Variants in NFIC observed in about 807,000 individuals in gnomAD.
NFIC encodes nuclear factor 1 C-type.
Under a neutral mutation model 54.4 loss-of-function variants are expected in NFIC, and 12 were observed. That is an observed-to-expected ratio of 0.22 (90% CI 0.14 to 0.36). The LOEUF (loss-of-function observed/expected upper bound fraction) is 0.36. Ranked by LOEUF, NFIC falls within the 10% of genes least tolerant of loss-of-function variation. The pLI is 1.00. For missense variants in NFIC, 575 were observed against 718.2 expected, an observed-to-expected ratio of 0.80 and a Z score of 2.28; for synonymous variants, 322 against 319.2, an observed-to-expected ratio of 1.01 and a Z score of -0.09.
intron 6 of NFIC, among the ~76,000 whole-genome samples, chr19:3,441,899 C>A (rs537934764): frequency 4.8e-4 from 73 of 152,332 alleles, no homozygotes; most frequent in Non-Finnish European, 1.0e-3. Flanking sequence ...CCCACCCTTC[C>A]CTGCCCTTTC....
intron 2 of NFIC, among the ~76,000 whole-genome samples, chr19:3,390,262 G>A (rs143104530): frequency 1.4e-4 from 22 of 152,352 alleles, no homozygotes; most frequent in Non-Finnish European, 1.9e-4. Flanking sequence ...TGTGCCAGCC[G>A]TCTGTCTGTG....
chr19:3,416,309 AAATATATAT>A (rs1182683996), intron 2 of NFIC, among the ~76,000 whole-genome samples: 2 of 149,430 alleles, frequency 1.3e-5, no homozygotes, highest in Admixed American at 6.7e-5. Flanking sequence ...CTGTGCCATC[AAATATATAT>A]AATATATATT....
intron 6 of NFIC, among the ~76,000 whole-genome samples, chr19:3,438,037 T>G (rs1034738767): frequency 6.6e-6 from 1 of 152,156 alleles, no homozygotes; most frequent in Non-Finnish European, 1.5e-5. Context: ...GCTGTCAGAA[T>G]GTAAACTGCA....
intron 2 of NFIC, among the ~76,000 whole-genome samples, chr19:3,400,765 C>G (rs2081542314): frequency 6.6e-6 from 1 of 152,140 alleles, no homozygotes; most frequent in South Asian, 2.1e-4. Context: ...TCGCTTGAAC[C>G]CGGAAGGCGG....
chr19:3,365,739 G>A (rs1333108561), upstream of NFIC, among the ~76,000 whole-genome samples: 8 of 152,182 alleles, frequency 5.3e-5, no homozygotes, highest in African/African-American at 1.9e-4. Context: ...CCTGGACACC[G>A]TCCTCCTGGG....
At position 3,386,275 on chromosome 19, in the gene NFIC, T is replaced by C. The variant is rs151265319; in HGVS notation, c.562+4032T>C. 5.0e-4 allele frequency among the ~76,000 whole-genome samples: 74 copies of C among 147,256 alleles called. 1 individual carries two copies. The East Asian group carries it at 0.012, about 24-fold the overall frequency. ...CCTGGCTGAAAATTCTTTCCCATTCTCACAGCTGCCCTGTGAGGCAAGGAT... is the reference window on the plus strand; with the variant it reads ...CCTGGCTGAAAATTCTTTCCCATTCCCACAGCTGCCCTGTGAGGCAAGGAT... On this transcript the variant is annotated intron_variant, in intron 2 of 10. Transcript: ENST00000443272.
At chr19:3,415,400 T>G (rs1048999549) in intron 2 of NFIC, among the ~76,000 whole-genome samples, 1 of 151,426 alleles carries the variant, frequency 6.6e-6, no homozygotes, top group African/African-American at 2.4e-5. Context: ...GGATTACAGG[T>G]GTGAGCTCTA....
chr19:3,368,947 GTC>G (rs1056915687), intron 1 of NFIC, among the ~76,000 whole-genome samples: 33 of 141,272 alleles, frequency 2.3e-4, no homozygotes, highest in African/African-American at 7.4e-4. Flanking sequence ...GTGTGTGTGT[GTC>G]TGTTTCTCCC....
At chr19:3,372,534 G>A (rs765943917) in intron 1 of NFIC, among the ~76,000 whole-genome samples, 9 of 152,186 alleles carry the variant, frequency 5.9e-5, no homozygotes, top group South Asian at 2.1e-4. Context: ...AGGCCGGGTC[G>A]GGGACGGGCA....
At chr19:3,442,012 G>A (rs79768694) in intron 6 of NFIC, among the ~76,000 whole-genome samples, 8 of 152,266 alleles carry the variant, frequency 5.3e-5, no homozygotes, top group African/African-American at 9.6e-5. Flanking sequence ...CTTTTCTCCC[G>A]GGCAGTGCTC....
chr19:3,427,813 C>CAA (rs35768795), intron 3 of NFIC, among the ~76,000 whole-genome samples: 49 of 76,790 alleles, frequency 6.4e-4, no homozygotes, highest in Middle Eastern at 0.01. Context: ...GAGACTCTGT[C>CAA]AAAAAAAAAA....
At position 3,466,682 on chromosome 19, in the gene NFIC, C is replaced by T. The variant is rs1466077680; in HGVS notation, c.*3913C>T. ...GCTTTTTTTTTTTTTCTGCCCCACT[C>T]CTGAGCAAATCTGTCTTGCCAAGGA... On this transcript the variant is annotated 3_prime_UTR_variant, in exon 11 of 11. Transcript: ENST00000443272. This position sits in a 1 kb window ranked among gnomAD's most constrained non-coding sequence, Gnocchi z 4.8. 2.0e-5 allele frequency: 3 copies of T among 151,712 alleles called. No individual in the cohort carries two copies. The highest frequency in any genetic ancestry group is 4.4e-5 in the Non-Finnish European group (3 of 67,944). 9.4% of individuals were successfully genotyped at this position (151,712 alleles called of 1,614,324 possible). A position where few individuals can be genotyped will look rare whatever the true frequency, so the allele number is the denominator to read the frequency against.
intron 6 of NFIC, among the ~76,000 whole-genome samples, chr19:3,443,741 T>C (rs1217112469): frequency 6.6e-6 from 1 of 152,126 alleles, no homozygotes; most frequent in Non-Finnish European, 1.5e-5. Context: ...TGTGTGGTTG[T>C]CACGACTGCA....
chr19:3,460,899 C>T (rs954252195), intron 10 of NFIC, among the ~76,000 whole-genome samples: 5 of 151,268 alleles, frequency 3.3e-5, no homozygotes, highest in African/African-American at 9.7e-5. Flanking sequence ...CCAAAGCAAA[C>T]GAATAAGCTG....
intron 6 of NFIC, among the ~76,000 whole-genome samples, chr19:3,435,507 G>T (rs547247538): frequency 3.9e-5 from 6 of 152,336 alleles, no homozygotes; most frequent in Admixed American, 3.3e-4. Flanking sequence ...GCTGCAGGAT[G>T]GACTCAGTAG....
intron 1 of NFIC, among the ~76,000 whole-genome samples, chr19:3,381,395 CA>C (rs71164686): frequency 0.23 from 22,948 of 100,676 alleles, 2,042 homozygotes; most frequent in East Asian, 0.43. Flanking sequence ...GACTCCGTCT[CA>C]AAAAAAAAAA....
rs1333100814 is a variant in NFIC at position 3,459,197 on chromosome 19, C to T, written c.1509+2562C>T. ...CCTCCTCCCCCAAAGCCTGGGTGGG[C>T]GCGCCTTTCCCTCTGCCTCTCCGGC... On this transcript the variant is annotated intron_variant, in intron 10 of 10. Coordinates refer to ENST00000443272, the MANE Select transcript of NFIC (RefSeq NM_001245002.2). This position sits in a 1 kb window ranked among gnomAD's most constrained non-coding sequence, Gnocchi z 4.2. Among the ~76,000 whole-genome samples the T allele has an allele frequency of 6.7e-6, 1 of 150,224 alleles. No individual in the cohort carries two copies. The highest frequency in any genetic ancestry group is 2.5e-5 in the African/African-American group (1 of 40,782).
chr19:3,404,492 C>T (rs1179523673), intron 2 of NFIC, among the ~76,000 whole-genome samples: 54 of 152,134 alleles, frequency 3.5e-4, no homozygotes, highest in Non-Finnish European at 2.9e-5. Flanking sequence ...CTGTTGGCAC[C>T]ACGTGTTTAA....
chr19:3,447,528 C>G (rs138054116), intron 6 of NFIC, among the ~76,000 whole-genome samples: 6 of 152,324 alleles, frequency 3.9e-5, no homozygotes, highest in Non-Finnish European at 8.8e-5. Context: ...ATTCTTCCAG[C>G]TGGGTGGCTG....
Sources: allele counts gnomAD v4.1 joint callset (sites outside exome capture counted in the v4.1 genomes callset), GRCh38; gene constraint gnomAD v4.1.1; non-coding constraint Gnocchi (gnomAD v3.1); transcripts MANE v1.5; gene names NCBI Gene and HGNC (gene_info 2026-07-23, HGNC 2026-07-21).